LRP1B: variants seen among roughly 807,000 people sequenced by gnomAD.
LRP1B encodes the protein LDL receptor related protein 1B, also known as low-density lipoprotein receptor-related protein 1B.
A neutral mutation model predicts 556.6 loss-of-function variants in LRP1B; 217 were observed. That is an observed-to-expected ratio of 0.39 (90% CI 0.35 to 0.44). The LOEUF is 0.44. Among genes scored for constraint, LRP1B ranks in the 20% least tolerant of loss-of-function variants. LRP1B has a pLI of 1.00. For synonymous variants in LRP1B, 2,047 were observed against 1,865.8 expected (o/e 1.10, Z -2.50); for missense variants, 5,053 against 5,620.8 (o/e 0.90, Z 3.23).
chr2:141,329,369 C>G (rs1573813104), intron 3 of LRP1B, among the ~76,000 whole-genome samples: 1 of 104,146 alleles, frequency 9.6e-6, no homozygotes, highest in Non-Finnish European at 1.8e-5. Flanking sequence ...GCCTGGGGGA[C>G]AAGAGCAAAA....
intron 5 of LRP1B, among the ~76,000 whole-genome samples, chr2:141,236,938 G>A (rs1485452316): frequency 6.6e-6 from 1 of 152,094 alleles, no homozygotes; most frequent in African/African-American, 2.4e-5. Flanking sequence ...ATAGAGAATG[G>A]CATTAATTTC....
chr2:141,988,597 A>G (rs1318918276), intron 1 of LRP1B, among the ~76,000 whole-genome samples: 1 of 152,012 alleles, frequency 6.6e-6, no homozygotes, highest in African/African-American at 2.4e-5. Flanking sequence ...CCATGTTCAC[A>G]GTGAATCATT....
intron 41 of LRP1B, among the ~76,000 whole-genome samples, chr2:140,640,858 A>G (rs1461449047): frequency 6.6e-6 from 1 of 152,206 alleles, no homozygotes; most frequent in African/African-American, 2.4e-5. Flanking sequence ...TATTTGTTGA[A>G]TGAATAAACA....
chr2:140,465,736 A>G (rs902307869), intron 60 of LRP1B, among the ~76,000 whole-genome samples: 1 of 150,598 alleles, frequency 6.6e-6, no homozygotes, highest in Non-Finnish European at 1.5e-5. Context: ...AAAAAAAAAG[A>G]AAAAAACTCC....
chr2:140,771,143 G>C (rs770489509), intron 33 of LRP1B, 137 bp from the exon 34 acceptor site: 1 of 575,230 alleles, frequency 1.7e-6, no homozygotes, highest in African/African-American at 2.0e-5. Flanking sequence ...TAAAGATTAC[G>C]CTTTATTCTC....
chr2:140,610,502 A>C (rs1465654111), intron 41 of LRP1B, among the ~76,000 whole-genome samples: 3 of 152,212 alleles, frequency 2.0e-5, no homozygotes, highest in Admixed American at 2.0e-4. Flanking sequence ...CTCTGGTTTC[A>C]GCTAATAGCT....
intron 60 of LRP1B, among the ~76,000 whole-genome samples, chr2:140,471,598 C>T (rs1286701967): frequency 2.6e-5 from 4 of 152,166 alleles, no homozygotes; most frequent in Non-Finnish European, 4.4e-5. Flanking sequence ...TTGAATCTAA[C>T]ACTGTATCTC....
At chr2:141,627,794 G>T (rs537468113) in intron 2 of LRP1B, among the ~76,000 whole-genome samples, 1 of 152,040 alleles carries the variant, frequency 6.6e-6, no homozygotes, top group East Asian at 1.9e-4. Context: ...GGATAATTAC[G>T]CGATACCAAC....
chr2:140,913,292 A>G (rs1694477285), intron 21 of LRP1B, among the ~76,000 whole-genome samples: 1 of 151,904 alleles, frequency 6.6e-6, no homozygotes, highest in Non-Finnish European at 1.5e-5. Flanking sequence ...CTTGTGGAGC[A>G]ATAACTCTAG....
chr2:142,057,361 C>T (rs1704714283), intron 1 of LRP1B, among the ~76,000 whole-genome samples: 1 of 152,060 alleles, frequency 6.6e-6, no homozygotes, highest in Non-Finnish European at 1.5e-5. Context: ...TCTCAGTGAC[C>T]TAAAAAATCC....
intron 41 of LRP1B, chr2:140,683,859 G>A (rs1685951627): frequency 1.0e-5 from 6 of 601,962 alleles, no homozygotes; most frequent in South Asian, 3.6e-5. Flanking sequence ...ACAGCTCCGC[G>A]GCCCCCTGCG....
intron 41 of LRP1B, among the ~76,000 whole-genome samples, chr2:140,621,952 C>G (rs766082800): frequency 6.6e-6 from 1 of 152,142 alleles, no homozygotes; most frequent in Non-Finnish European, 1.5e-5. Context: ...ATTCAGCACC[C>G]GGAAGAAATC....
intron 16 of LRP1B, among the ~76,000 whole-genome samples, chr2:140,992,960 T>G (rs978126178): frequency 6.6e-5 from 10 of 152,022 alleles, no homozygotes; most frequent in African/African-American, 2.4e-4. Flanking sequence ...TTATTATAAT[T>G]TATGTGTTAT....
chr2:142,042,695 A>G (rs1704105541), intron 1 of LRP1B, among the ~76,000 whole-genome samples: 1 of 151,550 alleles, frequency 6.6e-6, no homozygotes, highest in Non-Finnish European at 1.5e-5. Flanking sequence ...TTGCCTGGTT[A>G]AAAATGTTGA....
intron 1 of LRP1B, among the ~76,000 whole-genome samples, chr2:142,044,171 T>C (rs1217139162): frequency 6.6e-6 from 1 of 151,772 alleles, no homozygotes; most frequent in East Asian, 1.9e-4. Context: ...GAGTAATCCT[T>C]TTTTGCTGGT....
intron 71 of LRP1B, among the ~76,000 whole-genome samples, chr2:140,367,883 T>A (rs1427229996): frequency 6.6e-6 from 1 of 151,834 alleles, no homozygotes; most frequent in Non-Finnish European, 1.5e-5. Context: ...TATACATCAG[T>A]CTTGTTAAAA....
intron 1 of LRP1B, among the ~76,000 whole-genome samples, chr2:141,924,423 T>C (rs962713159): frequency 1.3e-5 from 2 of 152,162 alleles, no homozygotes; most frequent in African/African-American, 2.4e-5. Context: ...CAAGCCCATG[T>C]GTATCCCCAT....
chr2:141,267,757 G>A (rs1241202861), intron 3 of LRP1B, among the ~76,000 whole-genome samples: 1 of 152,114 alleles, frequency 6.6e-6, no homozygotes, highest in Non-Finnish European at 1.5e-5. Context: ...CCTTGAGGTA[G>A]GAGTGTAAGA....
At chr2:140,330,343 T>C (rs1573802654) in intron 79 of LRP1B, among the ~76,000 whole-genome samples, 1 of 151,756 alleles carries the variant, frequency 6.6e-6, no homozygotes, top group Admixed American at 6.6e-5. Context: ...TACAAGGCTA[T>C]AGTAACCAAA....
Sources: allele counts gnomAD v4.1 joint callset (sites outside exome capture counted in the v4.1 genomes callset), GRCh38; gene constraint gnomAD v4.1.1; transcripts MANE v1.5; gene names NCBI Gene and HGNC (gene_info 2026-07-23, HGNC 2026-07-21).